The following TRIOBP variants were observed in gnomAD, a reference collection of about 807,000 sequenced individuals.
The protein encoded by TRIOBP is TRIO and F-actin-binding protein.
TRIOBP carries 169 observed loss-of-function variants against 238.8 expected under a neutral mutation model. That is an observed-to-expected ratio of 0.71 (90% confidence interval 0.62 to 0.80). The LOEUF is 0.80. Among genes scored for constraint, TRIOBP ranks in the 30% least tolerant of loss-of-function variants. The pLI is 0.00. For synonymous variants in TRIOBP, 1,150 were observed against 1,274.4 expected, an observed-to-expected ratio of 0.90 and a Z score of 2.08; for missense variants, 2,838 against 3,122.6, an observed-to-expected ratio of 0.91 and a Z score of 2.17.
chr22:37,738,971 G>T (rs1039484358), intron 10 of TRIOBP, among the ~76,000 whole-genome samples: 2 of 152,152 alleles, frequency 1.3e-5, no homozygotes, highest in African/African-American at 4.8e-5. Context: ...TGCTGGGACT[G>T]AAAAGGTCAA....
At position 37,699,506 on chromosome 22, in the gene TRIOBP, C is replaced by A. The variant is rs140909220; in HGVS notation, c.-60-1800C>A. Among the ~76,000 whole-genome samples, 132 of 152,216 alleles carry A rather than the reference C, an allele frequency of 8.7e-4. 1 individual carries two copies. The highest frequency in any genetic ancestry group is 3.0e-3 in the African/African-American group (123 of 41,542). ...CTACAATGCAGCTATAAGACAAGGA[C>A]ACTCAAACTTTGGGGCGCACTAGAA... On this transcript the variant is annotated intron_variant, in intron 2 of 23. Coordinates refer to ENST00000644935, the MANE Select transcript of TRIOBP (RefSeq NM_001039141.3).
intron 6 of TRIOBP, among the ~76,000 whole-genome samples, chr22:37,717,605 TAC>T (rs1923590643): frequency 6.6e-6 from 1 of 152,230 alleles, no homozygotes; most frequent in Admixed American, 6.5e-5. Context: ...AGTAGCTAGA[TAC>T]AGAGTGTGGA....
Position 37,697,685 on chromosome 22 carries a change from G to A in TRIOBP, c.-72G>A, listed in dbSNP as rs1033845242. The A allele has an allele frequency of 1.3e-5, 2 of 152,232 alleles. No homozygotes were observed. Among genetic ancestry groups the A allele is most frequent in the Non-Finnish European group, 2.9e-5 (2 of 68,072 alleles). The allele number at this position is 152,232 out of a possible 1,614,324, so 9.4% of individuals were successfully genotyped here. On this transcript the variant is annotated 5_prime_UTR_variant, in exon 2 of 24. Transcript: ENST00000644935. Reference sequence around the variant, plus strand: ...ATTGGCCACAAAAGCCTGATCCCCTGGAACACAGCAGGTGAGGATGGATGT... The same window carrying A: ...ATTGGCCACAAAAGCCTGATCCCCTAGAACACAGCAGGTGAGGATGGATGT...
chr22:37,729,157 A>G (rs571940313), intron 7 of TRIOBP, among the ~76,000 whole-genome samples: 6 of 151,668 alleles, frequency 4.0e-5, no homozygotes, highest in East Asian at 3.9e-4. Context: ...AGCTCAGGCA[A>G]TCTACCCACC....
At chr22:37,715,579 G>A (rs770035163) in intron 5 of TRIOBP, among the ~76,000 whole-genome samples, 184 bp from the exon 6 acceptor site, 8 of 151,310 alleles carry the variant, frequency 5.3e-5, no homozygotes, top group East Asian at 2.0e-4. Flanking sequence ...TCCTGACCTC[G>A]TGATCCACCC....
chr22:37,729,257 C>T (rs1924316424), intron 7 of TRIOBP, among the ~76,000 whole-genome samples: 1 of 151,482 alleles, frequency 6.6e-6, no homozygotes, highest in Non-Finnish European at 1.5e-5. Flanking sequence ...TGCTTTGTCA[C>T]CCAGCAGTAG....
At chr22:37,728,521 C>T (rs951622648) in intron 7 of TRIOBP, among the ~76,000 whole-genome samples, 9 of 151,750 alleles carry the variant, frequency 5.9e-5, no homozygotes, top group South Asian at 2.1e-4. Context: ...AGATGACAAC[C>T]GTGTGGTCTC....
chr22:37,716,755 A>G (rs910094890), intron 6 of TRIOBP, among the ~76,000 whole-genome samples: 4 of 152,208 alleles, frequency 2.6e-5, no homozygotes, highest in Admixed American at 2.6e-4. Flanking sequence ...TTTGAGGAGG[A>G]AAGTCATGTA....
At chr22:37,746,175 C>G in intron 11 of TRIOBP, 1 of 1,045,176 alleles carries the variant, frequency 9.6e-7, no homozygotes, top group Non-Finnish European at 1.1e-6. Context: ...CTCGGCTTCC[C>G]CGCCACCCAT....
intron 17 of TRIOBP, chr22:37,759,661 G>C: frequency 6.6e-7 from 1 of 1,526,352 alleles, no homozygotes; most frequent in Non-Finnish European, 8.8e-7. Flanking sequence ...ATCCTGCCGA[G>C]GCCCACTGGG....
At chr22:37,703,685 T>C (rs1922779841) in intron 3 of TRIOBP, among the ~76,000 whole-genome samples, 1 of 151,856 alleles carries the variant, frequency 6.6e-6, no homozygotes, top group Admixed American at 6.6e-5. Context: ...TTTGTCTTTT[T>C]AGTAGAGACA....
At chr22:37,765,851 C>A (rs974382439) in intron 18 of TRIOBP, 34 bp downstream of exon 18, 2 of 1,570,366 alleles carry the variant, frequency 1.3e-6, no homozygotes, top group Admixed American at 3.6e-5. Context: ...GTGGGCTGGG[C>A]TCTGAGCCTC....
intron 9 of TRIOBP, 71 bp from the exon 10 acceptor site, chr22:37,738,571 G>A: frequency 3.5e-6 from 5 of 1,430,834 alleles, no homozygotes; most frequent in Admixed American, 1.8e-5. Context: ...AGAATGGATG[G>A]ATGAGGTGGA....
intron 18 of TRIOBP, among the ~76,000 whole-genome samples, chr22:37,767,659 C>T (rs569736917): frequency 2.0e-5 from 3 of 152,262 alleles, no homozygotes; most frequent in South Asian, 2.1e-4. Flanking sequence ...CTCTTGACCA[C>T]GAGGCTGGTC....
At chr22:37,750,351 T>C (rs1172342697) in intron 11 of TRIOBP, among the ~76,000 whole-genome samples, 2 of 152,172 alleles carry the variant, frequency 1.3e-5, no homozygotes, top group East Asian at 3.9e-4. Flanking sequence ...GTAGGGGAGA[T>C]GGCCCAAAAA....
chr22:37,726,307 G>T lies in TRIOBP; in HGVS notation c.3751G>T (p.Gly1251Cys), dbSNP rs759615772. 1.2e-6 allele frequency: 2 copies of T among 1,612,840 alleles called. No homozygotes were observed. Among genetic ancestry groups the T allele is most frequent in the South Asian group, 1.1e-5 (1 of 91,050 alleles). Residue 1251 changes from glycine to cysteine, a missense_variant, in exon 7 of 24, where the codon GGC (glycine) becomes TGC (cysteine). By Grantham distance (159) the Gly-to-Cys change is radical (BLOSUM62 -3). Transcript: ENST00000644935. ...APSPSPGSSGGSRGSAPPGET... is the reference protein window; with the variant it reads ...APSPSPGSSGCSRGSAPPGET... ...CTCACCTTCACCGGGCAGCTCTGGG[G>T]GCTCCCGGGGCTCAGCGCCTCCCGG...
intron 12 of TRIOBP, among the ~76,000 whole-genome samples, chr22:37,752,184 G>T (rs565088103): frequency 1.3e-5 from 2 of 152,194 alleles, no homozygotes; most frequent in African/African-American, 2.4e-5. Flanking sequence ...CTGGTCTGAG[G>T]GGGGTGGGGC....
At chr22:37,730,278 G>A (rs1264855744) in intron 7 of TRIOBP, among the ~76,000 whole-genome samples, 2 of 152,152 alleles carry the variant, frequency 1.3e-5, no homozygotes, top group African/African-American at 2.4e-5. Flanking sequence ...CCGAGGAGAC[G>A]CTGTTGCTTC....
chr22:37,704,380 CTCAGA>C (rs1211924758), intron 3 of TRIOBP, among the ~76,000 whole-genome samples: 10 of 133,876 alleles, frequency 7.5e-5, no homozygotes, highest in African/African-American at 2.3e-4. Context: ...TGGACCCTGA[CTCAGA>C]ACAGAACAGA....
Sources: allele counts gnomAD v4.1 joint callset (sites outside exome capture counted in the v4.1 genomes callset), GRCh38; gene constraint gnomAD v4.1.1; transcripts MANE v1.5; gene names NCBI Gene and HGNC (gene_info 2026-07-23, HGNC 2026-07-21).